SCN2A: variants seen among roughly 807,000 people sequenced by gnomAD.
SCN2A encodes the protein sodium voltage-gated channel alpha subunit 2.
In SCN2A, 20 loss-of-function variants were observed where a neutral mutation model predicts 188.7. That is an observed-to-expected ratio of 0.11 (90% CI 0.07 to 0.15). The LOEUF (loss-of-function observed/expected upper bound fraction) is 0.15. SCN2A is among the 10% of genes least tolerant of loss of function. The probability of loss-of-function intolerance (pLI) is 1.00; values close to 1 mark genes in which losing one functional copy is unlikely to be tolerated. For synonymous variants in SCN2A, 804 were observed against 833.1 expected, an observed-to-expected ratio of 0.97 and a Z score of 0.60; for missense variants, 1,278 against 2,445.0, an observed-to-expected ratio of 0.52 and a Z score of 10.07.
intron 1 of SCN2A, among the ~76,000 whole-genome samples, chr2:165,250,783 AT>A (rs1694056749): frequency 2.0e-5 from 3 of 152,064 alleles, no homozygotes; most frequent in African/African-American, 7.2e-5. Flanking sequence ...TGACATTGAG[AT>A]GGCAAGGAAT....
chr2:165,359,215 A>G (rs1398994067), intron 17 of SCN2A, among the ~76,000 whole-genome samples: 2 of 152,106 alleles, frequency 1.3e-5, no homozygotes, highest in Middle Eastern at 3.2e-3. Flanking sequence ...CAAGATGCGT[A>G]ATTGTTTACA....
rs1702096564 is a variant in SCN2A, at chr2:165,390,800, AC to A, written c.*977del. ...CTAAGAAGCCTGAATTGACCAAAAA[AC>A]ATCCCCACCACCACTTTATAAAGTT... On this transcript the variant is annotated 3_prime_UTR_variant, in exon 27 of 27. Transcript: ENST00000375437. The A allele has an allele frequency of 6.6e-6, 1 of 152,526 alleles. No homozygotes were observed. The highest frequency in any genetic ancestry group is 6.6e-5 in the Admixed American group (1 of 15,246). The allele number at this position is 152,526 out of a possible 1,614,324, so 9.4% of individuals were successfully genotyped here. A position where few individuals can be genotyped will look rare whatever the true frequency, so the allele number is the denominator to read the frequency against.
chr2:165,285,276 A>G (rs930148554), intron 1 of SCN2A: 1 of 154,352 alleles, frequency 6.5e-6, no homozygotes, highest in Non-Finnish European at 1.5e-5. Context: ...TACACTTGAC[A>G]TCAGTCACCA....
At chr2:165,244,766 C>G (rs1693772162) in intron 1 of SCN2A, among the ~76,000 whole-genome samples, 1 of 151,898 alleles carries the variant, frequency 6.6e-6, no homozygotes, top group African/African-American at 2.4e-5. Context: ...GTTGTTAAGT[C>G]TTTTGCTGGT....
At chr2:165,378,781 A>G (rs773433769) in intron 23 of SCN2A, among the ~76,000 whole-genome samples, 6 of 112,904 alleles carry the variant, frequency 5.3e-5, no homozygotes, top group Non-Finnish European at 1.2e-4. Flanking sequence ...AAACTCCTGG[A>G]ATTTCCAGCA....
chr2:165,261,597 G>A (rs1485418438), intron 1 of SCN2A, among the ~76,000 whole-genome samples: 3 of 152,188 alleles, frequency 2.0e-5, no homozygotes, highest in Non-Finnish European at 4.4e-5. Flanking sequence ...ATCACCTCAA[G>A]TGGGGTACAC....
intron 16 of SCN2A, among the ~76,000 whole-genome samples, chr2:165,351,795 G>GA (rs1699931026): frequency 6.6e-6 from 1 of 151,390 alleles, no homozygotes; most frequent in Non-Finnish European, 1.5e-5. Flanking sequence ...ATCTGGTATT[G>GA]ATACTGCTCT....
intron 1 of SCN2A, among the ~76,000 whole-genome samples, chr2:165,250,624 A>C (rs1406907263): frequency 6.6e-6 from 1 of 151,908 alleles, no homozygotes; most frequent in Non-Finnish European, 1.5e-5. Context: ...AGATTAACCA[A>C]CAATAGTCAC....
At chr2:165,296,746 ATACT>A in intron 2 of SCN2A, 3 of 233,160 alleles carry the variant, frequency 1.3e-5, no homozygotes, top group Non-Finnish European at 2.5e-5. Context: ...CGGTTTTAAA[ATACT>A]TACATTAAAA....
chr2:165,366,570 C>T (rs908236301), intron 18 of SCN2A, among the ~76,000 whole-genome samples: 1 of 151,672 alleles, frequency 6.6e-6, no homozygotes, highest in Non-Finnish European at 1.5e-5. Flanking sequence ...CCATCTCTAC[C>T]GGGCGTAGTG....
intron 1 of SCN2A, among the ~76,000 whole-genome samples, chr2:165,242,325 AACT>A (rs1275007408): frequency 6.6e-6 from 1 of 152,172 alleles, no homozygotes. Context: ...AAGTGTAGAA[AACT>A]ATTATTAAAT....
chr2:165,350,779 T>C (rs1049236332), intron 16 of SCN2A, among the ~76,000 whole-genome samples: 2 of 152,086 alleles, frequency 1.3e-5, no homozygotes, highest in African/African-American at 4.8e-5. Context: ...TGAACTGTTT[T>C]CTTAAATTGT....
At chr2:165,337,898 A>G (rs902126241) in intron 14 of SCN2A, among the ~76,000 whole-genome samples, 7 of 152,154 alleles carry the variant, frequency 4.6e-5, no homozygotes, top group South Asian at 2.1e-4. Flanking sequence ...ACGAAAGACT[A>G]TCTTTTTTTC....
At chr2:165,277,055 G>A (rs552095373) in intron 1 of SCN2A, among the ~76,000 whole-genome samples, 57 of 151,418 alleles carry the variant, frequency 3.8e-4, no homozygotes, top group Non-Finnish European at 5.9e-4. Flanking sequence ...GCAAGACTCC[G>A]TCTCAAAAAA....
intron 16 of SCN2A, among the ~76,000 whole-genome samples, chr2:165,349,068 ACATAGAACAGAAAGTGC>A: frequency 6.6e-6 from 1 of 152,244 alleles, no homozygotes; most frequent in Admixed American, 6.5e-5. Flanking sequence ...GTATAAGATC[ACATAGAACAGAAAGTGC>A]CATAGGGTTA....
intron 17 of SCN2A, among the ~76,000 whole-genome samples, chr2:165,355,780 C>T (rs937683709): frequency 1.7e-4 from 26 of 151,986 alleles, no homozygotes; most frequent in Non-Finnish European, 2.6e-4. Flanking sequence ...GGGTGGATCA[C>T]GAGGTCAGGA....
intron 17 of SCN2A, among the ~76,000 whole-genome samples, chr2:165,355,275 A>G (rs1700123184): frequency 6.6e-6 from 1 of 152,196 alleles, no homozygotes; most frequent in Admixed American, 6.5e-5. Context: ...TACTGAGCTC[A>G]GTGTTCACTG....
intron 18 of SCN2A, among the ~76,000 whole-genome samples, chr2:165,365,707 TAA>T (rs372027563): frequency 5.3e-5 from 8 of 152,286 alleles, no homozygotes; most frequent in African/African-American, 1.9e-4. Flanking sequence ...TAATAATTGA[TAA>T]GTGTACATTT....
chr2:165,379,661 CAAAT>C (rs1558878711), intron 23 of SCN2A, among the ~76,000 whole-genome samples: 1 of 151,764 alleles, frequency 6.6e-6, no homozygotes, highest in Admixed American at 6.6e-5. Context: ...CTCACATACA[CAAAT>C]AAAATCTCAT....
Sources: allele counts gnomAD v4.1 joint callset (sites outside exome capture counted in the v4.1 genomes callset), GRCh38; gene constraint gnomAD v4.1.1; transcripts MANE v1.5; gene names NCBI Gene and HGNC (gene_info 2026-07-23, HGNC 2026-07-21).